SMARCD3: variants seen among roughly 807,000 people sequenced by gnomAD.
SMARCD3 encodes the protein SWI/SNF-related matrix-associated actin-dependent regulator of chromatin subfamily D member 3.
Under a neutral mutation model 58.0 loss-of-function variants are expected in SMARCD3, and 14 were observed. The ratio of observed to expected loss-of-function variants is 0.24; its 90% confidence interval spans 0.16 to 0.38. SMARCD3 has a LOEUF of 0.38. Among genes scored for constraint, SMARCD3 ranks in the 10% least tolerant of loss-of-function variants. The pLI, the probability that SMARCD3 is intolerant of heterozygous loss-of-function variation, is 1.00. For synonymous variants in SMARCD3, 253 were observed against 253.8 expected, an observed-to-expected ratio of 1.00 and a Z score of 0.03; for missense variants, 408 against 636.9, an observed-to-expected ratio of 0.64 and a Z score of 3.87.
chr7:151,258,463 G>A (rs748636211), intron 2 of SMARCD3, among the ~76,000 whole-genome samples: 22 of 151,648 alleles, frequency 1.5e-4, no homozygotes, highest in Non-Finnish European at 2.6e-4. Context: ...TACTTGGGAG[G>A]CTGAGGCAGG....
At chr7:151,251,319 C>T (rs2150601345), upstream of SMARCD3, among the ~76,000 whole-genome samples, 1 of 152,272 alleles carries the variant, frequency 6.6e-6, no homozygotes, top group East Asian at 1.9e-4. Context: ...ACCCTCCCAA[C>T]ACACACACAG....
At chr7:151,261,073 C>T (rs947634653) in intron 2 of SMARCD3, among the ~76,000 whole-genome samples, 5 of 152,142 alleles carry the variant, frequency 3.3e-5, no homozygotes, top group South Asian at 4.1e-4. Context: ...GATGTTGGGG[C>T]GCGCTCTCGG....
intron 2 of SMARCD3, among the ~76,000 whole-genome samples, chr7:151,259,996 T>A (rs1169156284): frequency 6.6e-6 from 1 of 152,202 alleles, no homozygotes; most frequent in Non-Finnish European, 1.5e-5. Context: ...CACAGTAACC[T>A]GTCTGATCCC....
chr7:151,254,382 G>A (rs1408238871), intron 2 of SMARCD3: 4 of 152,392 alleles, frequency 2.6e-5, no homozygotes, highest in Non-Finnish European at 5.9e-5. Flanking sequence ...GGTCGACTTG[G>A]GATCTGCTCA....
upstream of SMARCD3, chr7:151,248,724 A>C: frequency 3.4e-6 from 4 of 1,179,932 alleles, no homozygotes; most frequent in East Asian, 3.8e-5. The surrounding 1 kb of genome is among the most constrained non-coding windows in gnomAD (Gnocchi z 6.1). Context: ...GGCTGCCCTG[A>C]CGGCCCACGG....
chr7:151,276,144 C>T (rs1162640902), intron 1 of SMARCD3, among the ~76,000 whole-genome samples: 1 of 80,338 alleles, frequency 1.2e-5, no homozygotes, highest in South Asian at 4.2e-4. Context: ...AGTCCAGGGT[C>T]GGGGGGGAGG....
rs991177741 is a variant in SMARCD3 at position 151,245,427 on chromosome 7, G to C, written c.290+33C>G. 14 of 1,002,966 alleles carry C rather than the reference G, an allele frequency of 1.4e-5. No individual in the cohort carries two copies. The highest frequency in any genetic ancestry group is 1.8e-5 in the Non-Finnish European group (14 of 780,614). The allele number at this position is 1,002,966 out of a possible 1,614,324, so 62.1% of individuals were successfully genotyped here. On this transcript the variant is annotated intron_variant, in intron 2 of 12. Transcript: ENST00000262188. This position sits in a 1 kb window ranked among gnomAD's most constrained non-coding sequence, Gnocchi z 6.2. ...TGCGGGTCCCCCAGGGCCCGCCCCT[G>C]CACGCCCCCTCCTCGCCGGGCCTCC...
At chr7:151,240,400 G>A (rs776519852) in intron 9 of SMARCD3, 25 bp downstream of exon 9, 3 of 1,601,624 alleles carry the variant, frequency 1.9e-6, no homozygotes, top group Non-Finnish European at 2.6e-6. Flanking sequence ...TCCCTGGTCT[G>A]AGAAGCAAGC....
rs540204559 is a variant in SMARCD3, at chr7:151,246,784, G to A, written c.79-1113C>T. ...TTGTCCAGACTCCAGAAGGGAGATGGGGAGGGCCAGAGAGAGTTTCAGGGG... is the reference window on the plus strand; with the variant it reads ...TTGTCCAGACTCCAGAAGGGAGATGAGGAGGGCCAGAGAGAGTTTCAGGGG... On this transcript the variant is annotated intron_variant, in intron 1 of 12. Coordinates refer to ENST00000262188, the MANE Select transcript of SMARCD3 (RefSeq NM_001003801.2). The surrounding 1 kb of genome is among the most constrained non-coding windows in gnomAD (Gnocchi z 4.4). 6.6e-6 allele frequency among the ~76,000 whole-genome samples: 1 copy of A among 152,164 alleles called. No homozygotes were observed. The highest frequency in any genetic ancestry group is 2.4e-5 in the African/African-American group (1 of 41,424).
intron 2 of SMARCD3, among the ~76,000 whole-genome samples, chr7:151,258,175 C>T (rs966194682): frequency 9.9e-5 from 15 of 151,992 alleles, no homozygotes; most frequent in South Asian, 2.1e-4. Context: ...CACCTCTCCC[C>T]GGATGCCGCC....
intron 2 of SMARCD3, among the ~76,000 whole-genome samples, chr7:151,269,087 T>C (rs1795081703): frequency 6.6e-6 from 1 of 152,172 alleles, no homozygotes; most frequent in African/African-American, 2.4e-5. Flanking sequence ...CCCTGCCCAC[T>C]GAATGGATCT....
At chr7:151,240,623 G>A (rs1433511397) in intron 8 of SMARCD3, 101 bp from the exon 9 acceptor site, 1 of 898,998 alleles carries the variant, frequency 1.1e-6, no homozygotes. Context: ...GAAGCTGAGA[G>A]GAAGTCTGAT....
At chr7:151,271,220 C>T (rs551889918) in intron 2 of SMARCD3, among the ~76,000 whole-genome samples, 3 of 152,254 alleles carry the variant, frequency 2.0e-5, no homozygotes, top group South Asian at 2.1e-4. Flanking sequence ...CTTTCCCAGG[C>T]GGGTGGGGTG....
At position 151,240,189 on chromosome 7, in the gene SMARCD3, C is replaced by T; in HGVS notation, c.1096G>A (p.Glu366Lys). 1 of 1,614,124 alleles carries T rather than the reference C, an allele frequency of 6.2e-7. No homozygotes were observed. The highest frequency in any genetic ancestry group is 8.5e-7 in the Non-Finnish European group (1 of 1,180,006). The change falls in exon 10 of 13, where the codon GAG (glutamate) becomes AAG (lysine). Residue 366 changes from glutamate to lysine, a missense_variant. Physicochemically the swap from Glu to Lys is moderately conservative, Grantham distance 56. Coordinates refer to ENST00000262188, the MANE Select transcript of SMARCD3 (RefSeq NM_001003801.2). The stretch of plus-strand genomic sequence containing the variant: ...CTGCTCATCTGCCCCTTTAATGGCT[C>T]CTCCACCTCCACGTCAATGTCATAG... Reference protein sequence around the residue: ...ACYDIDVEVEEPLKGQMSSFL... With the variant: ...ACYDIDVEVEKPLKGQMSSFL...
At chr7:151,260,220 G>T (rs566662529) in intron 2 of SMARCD3, among the ~76,000 whole-genome samples, 3 of 152,158 alleles carry the variant, frequency 2.0e-5, no homozygotes, top group Admixed American at 6.5e-5. Context: ...TTGCCTGCTG[G>T]GGGTAGTGAC....
chr7:151,240,332 G>A, intron 9 of SMARCD3, 85 bp from the exon 10 acceptor site: 5 of 1,603,278 alleles, frequency 3.1e-6, no homozygotes, highest in Non-Finnish European at 4.3e-6. Flanking sequence ...CAACAGGGAG[G>A]GAGAAGAGAT....
chr7:151,254,660 G>A (rs2062187520), intron 2 of SMARCD3, among the ~76,000 whole-genome samples: 1 of 152,164 alleles, frequency 6.6e-6, no homozygotes, highest in African/African-American at 2.4e-5. Flanking sequence ...CTTAGTGAGG[G>A]GAGCCCCATT....
intron 2 of SMARCD3, among the ~76,000 whole-genome samples, chr7:151,267,877 T>C (rs942645661): frequency 1.3e-5 from 2 of 152,170 alleles, no homozygotes; most frequent in Admixed American, 1.3e-4. Flanking sequence ...CTTGGGGCAC[T>C]GAGGTGGGAG....
intron 2 of SMARCD3, among the ~76,000 whole-genome samples, chr7:151,260,738 C>T (rs1803890692): frequency 6.6e-6 from 1 of 152,190 alleles, no homozygotes; most frequent in African/African-American, 2.4e-5. Flanking sequence ...CCTGGTGCCA[C>T]TTGGTGCTAG....
Sources: gnomAD v4.1 joint callset for allele counts (sites outside exome capture counted in the v4.1 genomes callset) on GRCh38, gnomAD v4.1.1 for gene constraint, Gnocchi (gnomAD v3.1) non-coding constraint, MANE v1.5 for transcripts, NCBI Gene and HGNC (gene_info 2026-07-23, HGNC 2026-07-21) for gene names.